RNF175: variants seen among roughly 807,000 people sequenced by gnomAD.
The protein encoded by RNF175 is ring finger protein 175.
In RNF175, 38 loss-of-function variants were observed where a neutral mutation model predicts 50.0. The ratio of observed to expected loss-of-function variants is 0.76; its 90% CI spans 0.59 to 1.00. The LOEUF (loss-of-function observed/expected upper bound fraction) is 1.00, where lower values mean the gene tolerates loss of function less well. RNF175 is among the 50% of genes least tolerant of loss of function. The pLI, the probability that RNF175 is intolerant of heterozygous loss-of-function variation, is 0.00. For missense variants in RNF175, 388 were observed against 409.6 expected (o/e 0.95, Z 0.46); for synonymous variants, 155 against 146.1 (o/e 1.06, Z -0.44).
chr4:153,729,895 T>C (rs200254147), intron 3 of RNF175: 1 of 210,816 alleles, frequency 4.7e-6, no homozygotes, highest in Admixed American at 9.0e-4. Flanking sequence ...GGGAAAAAAA[T>C]CCACTAATCT....
intron 6 of RNF175, among the ~76,000 whole-genome samples, chr4:153,717,765 A>G (rs1369703741): frequency 6.6e-6 from 1 of 152,178 alleles, no homozygotes; most frequent in Non-Finnish European, 1.5e-5. Context: ...TACTTAGGTC[A>G]GCACCTTTTT....
intron 1 of RNF175, 47 bp downstream of exon 1, chr4:153,759,750 G>C: frequency 7.6e-7 from 1 of 1,317,304 alleles, no homozygotes; most frequent in Non-Finnish European, 1.0e-6. Flanking sequence ...CGTGAGCCCC[G>C]GGACCCCGGC....
Position 153,748,774 on chromosome 4 carries a change from C to T in RNF175, c.117G>A (p.Glu39=), listed in dbSNP as rs1170323811. Residue 39 remains glutamate (E), a synonymous_variant, in exon 3 of 9, where the codon GAG becomes GAA. Coordinates refer to ENST00000347063, the MANE Select transcript of RNF175 (RefSeq NM_173662.4). ...GGCCCCGGTGCATCTTGTACATCCT[C>T]TCCTGCTGCAGGCTGGAACCAGCAA... The part of the protein sequence containing the change: ...SAEDTWNLQQ[E]RMYKMHRGHD... The T allele has an allele frequency of 6.2e-7, 1 of 1,612,316 alleles. No homozygotes were observed.
chr4:153,741,516 G>C (rs1357915742), intron 3 of RNF175, among the ~76,000 whole-genome samples: 1 of 152,158 alleles, frequency 6.6e-6, no homozygotes, highest in Non-Finnish European at 1.5e-5. Context: ...ATATGGCATT[G>C]TCGCTTCTGC....
chr4:153,728,379 A>C lies in RNF175; in HGVS notation c.247-18T>G. ...GTCACCAGCTGTCAGAGAAATGAAC[A>C]GGAAGTATCTTTCAATGACCAAGTG... On this transcript the variant is annotated intron_variant, in intron 3 of 8. Transcript: ENST00000347063. 1 of 1,611,600 alleles carries C rather than the reference A, an allele frequency of 6.2e-7. No homozygotes were observed. The highest frequency in any genetic ancestry group is 8.5e-7 in the Non-Finnish European group (1 of 1,178,182).
chr4:153,718,382 G>A (rs1258072141), intron 6 of RNF175, among the ~76,000 whole-genome samples: 2 of 151,358 alleles, frequency 1.3e-5, no homozygotes, highest in African/African-American at 4.9e-5. Context: ...AAGTGTCTGT[G>A]GACACACACA....
intron 3 of RNF175, 125 bp downstream of exon 3, chr4:153,748,520 G>C (rs1740101293): frequency 1.2e-6 from 1 of 800,548 alleles, no homozygotes; most frequent in Non-Finnish European, 1.8e-6. Context: ...ACTTGGTTGA[G>C]AACCACTGAC....
rs957514665 is a variant in RNF175, at chr4:153,759,810, G to T, written c.53C>A (p.Pro18Gln). ...CCGCGCCAGTACCTGCTCCTGCTGCGGGGGGGCCTCCAGCACCGGCGCTGC... is the reference window on the plus strand; with the variant it reads ...CCGCGCCAGTACCTGCTCCTGCTGCTGGGGGGCCTCCAGCACCGGCGCTGC... ...RKAAPVLEAP[P>Q]QQEQLSHTKL... The change falls in exon 1 of 9, where the codon CCG becomes CAG. Residue 18 changes from proline (P) to glutamine (Q), a missense_variant. Transcript: ENST00000347063. 13 of 1,471,338 alleles carry T rather than the reference G, an allele frequency of 8.8e-6. No individual in the cohort carries two copies. The highest frequency in any genetic ancestry group is 1.2e-5 in the Non-Finnish European group (13 of 1,117,772). The allele number at this position is 1,471,338 out of a possible 1,614,324, so 91.1% of individuals were successfully genotyped here.
intron 6 of RNF175, among the ~76,000 whole-genome samples, chr4:153,718,191 T>G (rs985894322): frequency 2.0e-5 from 3 of 150,176 alleles, no homozygotes; most frequent in African/African-American, 7.3e-5. Context: ...GCTTAATAGC[T>G]CATTCCTTTC....
At chr4:153,753,807 C>A (rs1334129168) in intron 1 of RNF175, among the ~76,000 whole-genome samples, 2 of 151,806 alleles carry the variant, frequency 1.3e-5, no homozygotes, top group African/African-American at 4.8e-5. Context: ...GATCCGCCCA[C>A]CTCGACCTCT....
chr4:153,716,969 G>T (rs55895613), intron 6 of RNF175, among the ~76,000 whole-genome samples: 24,706 of 152,054 alleles, frequency 0.16, 2,541 homozygotes, highest in Non-Finnish European at 0.23. Context: ...CCAAACAAGT[G>T]GGTATCATAG....
chr4:153,751,751 A>G (rs1008929209), intron 1 of RNF175, among the ~76,000 whole-genome samples: 9 of 152,298 alleles, frequency 5.9e-5, no homozygotes, highest in African/African-American at 2.2e-4. Context: ...GTTTTGGCAA[A>G]TCAGTCAAAG....
rs1164191179 is a variant in RNF175, at chr4:153,710,392, T to A, written c.964A>T (p.Ile322Phe). The change falls in exon 9 of 9, where the codon ATC becomes TTC. Residue 322 changes from isoleucine to phenylalanine, a missense_variant. Coordinates refer to ENST00000347063, the MANE Select transcript of RNF175 (RefSeq NM_173662.4). ...PVVIGIVQGI[I>F]YSLGLE is the part of the protein sequence containing the mutation. The stretch of plus-strand genomic sequence containing the variant: ...TCCTATTCCAGCCCTAGTGAATAGA[T>A]AATGCCTTGAACTATTCCTATCACC... 1 of 1,560,920 alleles carries A rather than the reference T, an allele frequency of 6.4e-7. No individual in the cohort carries two copies. Among genetic ancestry groups the A allele is most frequent in the South Asian group, 1.2e-5 (1 of 84,818 alleles).
chr4:153,745,299 G>A (rs778566224), intron 3 of RNF175, among the ~76,000 whole-genome samples: 4 of 152,172 alleles, frequency 2.6e-5, no homozygotes, highest in Non-Finnish European at 5.9e-5. Flanking sequence ...CTATGGACAG[G>A]ACCCGGGAAC....
chr4:153,723,560 A>G, intron 4 of RNF175, 102 bp from the exon 5 acceptor site: 1 of 634,342 alleles, frequency 1.6e-6, no homozygotes, highest in Non-Finnish European at 2.9e-6. Flanking sequence ...TCAAAGACTT[A>G]TAAATCAGTT....
At chr4:153,715,735 G>GCCTGTC in intron 6 of RNF175, 73 bp from the exon 7 acceptor site, 1 of 1,506,322 alleles carries the variant, frequency 6.6e-7, no homozygotes, top group Non-Finnish European at 9.0e-7. Context: ...GGAAGCCACT[G>GCCTGTC]CCAGGCACTG....
At chr4:153,721,470 G>A (rs1738335952) in intron 5 of RNF175, 2 of 152,100 alleles carry the variant, frequency 1.3e-5, no homozygotes. Context: ...CAACACAGGT[G>A]GTAGCTTCAT....
At position 153,759,930 on chromosome 4, in the gene RNF175, G is replaced by C. The variant is rs1740750055; in HGVS notation, c.-68C>G. The C allele has an allele frequency of 2.0e-6, 2 of 996,142 alleles. No individual in the cohort carries two copies. Among genetic ancestry groups the C allele is most frequent in the Non-Finnish European group, 2.6e-6 (2 of 755,992 alleles). The allele number at this position is 996,142 out of a possible 1,614,324, so 61.7% of individuals were successfully genotyped here. A position where few individuals can be genotyped will look rare whatever the true frequency, so the allele number is the denominator to read the frequency against. On this transcript the variant is annotated 5_prime_UTR_variant, in exon 1 of 9. Transcript: ENST00000347063. Reference sequence around the variant, plus strand: ...GGAGGGTCCCGCAGAGTCCGCAGAAGGAGGCGCCGCGGGGCCTCGGGAGCC... The same window carrying C: ...GGAGGGTCCCGCAGAGTCCGCAGAACGAGGCGCCGCGGGGCCTCGGGAGCC...
At chr4:153,723,247 T>C (rs922723605) in intron 5 of RNF175, 104 bp downstream of exon 5, 2 of 618,304 alleles carry the variant, frequency 3.2e-6, no homozygotes, top group Non-Finnish European at 6.0e-6. Context: ...CATGTGTGCA[T>C]GGAAAATTGT....
Sources: allele counts gnomAD v4.1 joint callset (sites outside exome capture counted in the v4.1 genomes callset), GRCh38; gene constraint gnomAD v4.1.1; transcripts MANE v1.5; gene names NCBI Gene and HGNC (gene_info 2026-07-23, HGNC 2026-07-21).